The following TOP6BL variants were observed in gnomAD, a reference collection of about 807,000 sequenced individuals.
TOP6BL encodes the protein TOP6B like initiator of meiotic double strand breaks.
the TOP6BL span, among the ~76,000 whole-genome samples, chr11:66,755,494 A>G: frequency 1.3e-5 from 2 of 151,968 alleles, no homozygotes; most frequent in Non-Finnish European, 2.9e-5. Context: ...GCCCTTATAA[A>G]TCTCTTTTCT....
chr11:66,816,751 T>C, the TOP6BL span, among the ~76,000 whole-genome samples: 2 of 152,170 alleles, frequency 1.3e-5, no homozygotes, highest in Non-Finnish European at 2.9e-5. Flanking sequence ...TATTTTGTAT[T>C]ATTATTTTTT....
the TOP6BL span, among the ~76,000 whole-genome samples, chr11:66,829,611 G>A: frequency 6.6e-6 from 1 of 151,856 alleles, no homozygotes; most frequent in Non-Finnish European, 1.5e-5. Context: ...AGAGGGGCTG[G>A]GAACGATGGC....
the TOP6BL span, among the ~76,000 whole-genome samples, chr11:66,798,741 C>T: frequency 1.3e-5 from 2 of 151,748 alleles, no homozygotes; most frequent in Non-Finnish European, 2.9e-5. Flanking sequence ...TAAACACAGG[C>T]AAGCATTAAG....
chr11:66,816,971 C>G, the TOP6BL span, among the ~76,000 whole-genome samples: 1 of 151,912 alleles, frequency 6.6e-6, no homozygotes, highest in Non-Finnish European at 1.5e-5. Context: ...CTAGCTAACA[C>G]GGCGAAACCC....
chr11:66,774,539 C>T, the TOP6BL span, among the ~76,000 whole-genome samples: 5 of 152,102 alleles, frequency 3.3e-5, no homozygotes, highest in East Asian at 1.9e-4. Flanking sequence ...CTGCAAGCTC[C>T]GCCTCCTGGG....
chr11:66,808,327 A>C, the TOP6BL span, among the ~76,000 whole-genome samples: 2 of 152,090 alleles, frequency 1.3e-5, no homozygotes, highest in African/African-American at 4.8e-5. Flanking sequence ...TTGAGCCTGC[A>C]AGTTCGAGAT....
the TOP6BL span, among the ~76,000 whole-genome samples, chr11:66,833,558 G>C: frequency 1.3e-5 from 2 of 152,176 alleles, no homozygotes; most frequent in South Asian, 4.1e-4. Context: ...ATAGGACCCA[G>C]GATATAAGCG....
the TOP6BL span, chr11:66,761,651 TC>T: frequency 8.7e-7 from 1 of 1,146,990 alleles, no homozygotes; most frequent in African/African-American, 1.6e-5. Context: ...TGTGCGAAGC[TC>T]CACCAACTCA....
At chr11:66,762,230 C>A in the TOP6BL span, 1 of 595,018 alleles carries the variant, frequency 1.7e-6, no homozygotes, top group South Asian at 1.8e-5. Context: ...CGCGAGGCCG[C>A]AGGGGGCCCG....
chr11:66,758,431 C>T, the TOP6BL span: 1 of 150,870 alleles, frequency 6.6e-6, no homozygotes, highest in Non-Finnish European at 1.5e-5. Context: ...CCTGCCTCAG[C>T]CTCCTGAGTA....
At chr11:66,752,957 C>T in the TOP6BL span, among the ~76,000 whole-genome samples, 130 of 151,928 alleles carry the variant, frequency 8.6e-4, no homozygotes, top group African/African-American at 3.1e-3. Flanking sequence ...GGTGAAACCC[C>T]ATCTCTACTA....
chr11:66,780,382 C>T, the TOP6BL span, among the ~76,000 whole-genome samples: 1 of 151,984 alleles, frequency 6.6e-6, no homozygotes, highest in Non-Finnish European at 1.5e-5. Flanking sequence ...GCTGGGTTTC[C>T]ATCTTCAGCC....
At chr11:66,748,646 G>T in the TOP6BL span, 1 of 764,836 alleles carries the variant, frequency 1.3e-6, no homozygotes, top group Non-Finnish European at 1.9e-6. Flanking sequence ...AAAATGAAAT[G>T]ATTATGTAAT....
chr11:66,793,196 G>T, the TOP6BL span, among the ~76,000 whole-genome samples: 1 of 151,564 alleles, frequency 6.6e-6, no homozygotes. Context: ...AGTGATTCTG[G>T]TGTCTTAGCC....
the TOP6BL span, among the ~76,000 whole-genome samples, chr11:66,760,026 T>G: frequency 1.6e-4 from 24 of 152,360 alleles, no homozygotes; most frequent in Middle Eastern, 3.4e-3. Flanking sequence ...GTATTATCCA[T>G]TGGCCTATTT....
At chr11:66,781,749 G>A in the TOP6BL span, among the ~76,000 whole-genome samples, 1 of 152,000 alleles carries the variant, frequency 6.6e-6, no homozygotes, top group Non-Finnish European at 1.5e-5. Flanking sequence ...TGTTGCCTAG[G>A]CTAGTCTCAA....
chr11:66,842,964 C>A, the TOP6BL span: 1 of 1,552,144 alleles, frequency 6.4e-7, no homozygotes, highest in African/African-American at 1.4e-5. Context: ...CCCCGCGCCG[C>A]CCGGAAGCCA....
the TOP6BL span, chr11:66,813,864 C>G: frequency 6.2e-7 from 1 of 1,613,498 alleles, no homozygotes; most frequent in Admixed American, 1.7e-5. Context: ...AGCAACTACA[C>G]ATATTTCTAT....
At chr11:66,825,902 C>T in the TOP6BL span, among the ~76,000 whole-genome samples, 1 of 150,970 alleles carries the variant, frequency 6.6e-6, no homozygotes, top group African/African-American at 2.4e-5. Context: ...AGTGCAGTGG[C>T]GCGATCTCAG....
Sources: gnomAD v4.1 joint callset for allele counts (sites outside exome capture counted in the v4.1 genomes callset) on GRCh38, gnomAD v4.1.1 for gene constraint, MANE v1.5 for transcripts, NCBI Gene and HGNC (gene_info 2026-07-23, HGNC 2026-07-21) for gene names.